The following PDE8B variants were observed in gnomAD, a reference collection of about 807,000 sequenced individuals.
The protein encoded by PDE8B is high affinity cAMP-specific and IBMX-insensitive 3',5'-cyclic phosphodiesterase 8B.
In PDE8B, 26 loss-of-function variants were observed where a neutral mutation model predicts 101.3. That is an observed-to-expected ratio of 0.26 (90% CI 0.19 to 0.36). PDE8B has a LOEUF of 0.36. Ranked by LOEUF, PDE8B falls within the 10% of genes least tolerant of loss-of-function variation. The probability of loss-of-function intolerance (pLI) is 1.00; values close to 1 mark genes in which losing one functional copy is unlikely to be tolerated. For missense variants in PDE8B, 810 were observed against 1,163.1 expected (o/e 0.70, Z 4.42); for synonymous variants, 424 against 429.3 (o/e 0.99, Z 0.15).
At chr5:77,097,707 C>CTATA in the PDE8B span, among the ~76,000 whole-genome samples, 11 of 20,884 alleles carry the variant, frequency 5.3e-4, no homozygotes, top group Non-Finnish European at 8.5e-4. Flanking sequence ...ATATATATAT[C>CTATA]TATATATATA....
chr5:77,419,887 G>A lies in PDE8B; in HGVS notation c.2250G>A (p.Glu750=). Residue 750 remains glutamate (E), a splice_region_variant and synonymous_variant, in exon 19 of 22, where the codon GAG becomes GAA. Coordinates refer to ENST00000264917, the MANE Select transcript of PDE8B (RefSeq NM_003719.5). ...VNSINKPMAA[E]IEGSDCECNP... is the part of the protein sequence containing the mutation. Reference sequence around the variant, plus strand: ...GCATCAACAAGCCAATGGCAGCTGAGGTGAGTACTGCTTTCCATGCCATAA... The same window carrying A: ...GCATCAACAAGCCAATGGCAGCTGAAGTGAGTACTGCTTTCCATGCCATAA... 6.2e-7 allele frequency: 1 copy of A among 1,613,960 alleles called. No individual in the cohort carries two copies.
At chr5:77,291,178 C>A in intron 1 of PDE8B, 2 of 1,610,854 alleles carry the variant, frequency 1.2e-6, no homozygotes, top group East Asian at 2.2e-5. Context: ...AGGTGTACCA[C>A]TGCGAGGCGA....
the PDE8B span, among the ~76,000 whole-genome samples, chr5:77,181,135 A>G: frequency 8.0e-6 from 1 of 125,500 alleles, no homozygotes; most frequent in South Asian, 2.7e-4. Flanking sequence ...AGTTCTAGGG[A>G]CAACGCTAGC....
At chr5:77,366,877 C>T (rs532395722) in intron 10 of PDE8B, among the ~76,000 whole-genome samples, 2 of 152,180 alleles carry the variant, frequency 1.3e-5, no homozygotes, top group African/African-American at 2.4e-5. Context: ...ATGGCAGCCC[C>T]CCGGTGGCCA....
chr5:77,208,142 T>C (rs1373587416), upstream of PDE8B, among the ~76,000 whole-genome samples: 4 of 152,226 alleles, frequency 2.6e-5, no homozygotes, highest in Non-Finnish European at 5.9e-5. Context: ...GGGTGACTTC[T>C]AGCTTCATGA....
At chr5:77,137,656 G>A in the PDE8B span, among the ~76,000 whole-genome samples, 4 of 152,142 alleles carry the variant, frequency 2.6e-5, no homozygotes, top group Admixed American at 6.5e-5. Context: ...GCAGAAAAAG[G>A]CTCCCTACGG....
intron 1 of PDE8B, among the ~76,000 whole-genome samples, chr5:77,282,982 C>G (rs1765314980): frequency 6.6e-6 from 1 of 152,026 alleles, no homozygotes; most frequent in Non-Finnish European, 1.5e-5. Flanking sequence ...CCAGACCTGT[C>G]CAACCTGGGC....
chr5:77,262,819 T>A (rs1434502268), intron 1 of PDE8B, among the ~76,000 whole-genome samples: 2 of 152,232 alleles, frequency 1.3e-5, no homozygotes, highest in African/African-American at 2.4e-5. Flanking sequence ...GTGAACCACA[T>A]GACCTGAAGA....
intron 1 of PDE8B, among the ~76,000 whole-genome samples, chr5:77,263,910 C>T (rs1323906012): frequency 6.6e-6 from 1 of 152,162 alleles, no homozygotes; most frequent in Non-Finnish European, 1.5e-5. Flanking sequence ...AAGAGAAAGC[C>T]TCTACATTAG....
chr5:77,183,405 A>G, the PDE8B span, among the ~76,000 whole-genome samples: 1 of 152,286 alleles, frequency 6.6e-6, no homozygotes, highest in East Asian at 1.9e-4. Flanking sequence ...GGCATGAGCC[A>G]CTGTGCCTGG....
intron 2 of PDE8B, among the ~76,000 whole-genome samples, chr5:77,321,142 ATTTTTTTTTT>A (rs10538529): frequency 1.6e-4 from 12 of 76,432 alleles, no homozygotes; most frequent in African/African-American, 4.5e-4. Context: ...CAGTATCTCT[ATTTTTTTTTT>A]TTTTTTTTTT....
chr5:77,372,255 A>G (rs529288745), intron 10 of PDE8B, among the ~76,000 whole-genome samples: 1 of 152,106 alleles, frequency 6.6e-6, no homozygotes, highest in African/African-American at 2.4e-5. Flanking sequence ...TTAGCTTTCT[A>G]CTTGTGAACT....
the PDE8B span, chr5:77,089,250 C>T: frequency 6.6e-6 from 1 of 152,340 alleles, no homozygotes; most frequent in South Asian, 2.1e-4. Flanking sequence ...CATAGGAGCA[C>T]AATTGTGAAC....
the PDE8B span, among the ~76,000 whole-genome samples, chr5:77,172,414 G>A: frequency 5.2e-3 from 786 of 152,350 alleles, 4 homozygotes; most frequent in South Asian, 0.014. Flanking sequence ...GCACCTAGGA[G>A]AAGCAGACAA....
chr5:77,326,684 T>C (rs1159824033), intron 3 of PDE8B, among the ~76,000 whole-genome samples: 2 of 152,130 alleles, frequency 1.3e-5, no homozygotes, highest in African/African-American at 4.8e-5. Context: ...AATATACATA[T>C]AGTATATCAT....
chr5:77,343,029 T>C (rs1181004626), intron 6 of PDE8B, among the ~76,000 whole-genome samples: 3 of 152,244 alleles, frequency 2.0e-5, no homozygotes, highest in Non-Finnish European at 1.5e-5. Context: ...CAGAAGAACG[T>C]CATTGCCTCG....
chr5:77,343,276 G>A (rs1224324801), intron 6 of PDE8B, among the ~76,000 whole-genome samples: 1 of 152,200 alleles, frequency 6.6e-6, no homozygotes, highest in Non-Finnish European at 1.5e-5. Flanking sequence ...TATGTTCTGA[G>A]AAATGTGTCG....
intron 10 of PDE8B, among the ~76,000 whole-genome samples, chr5:77,356,268 C>G (rs1005488929): frequency 6.6e-6 from 1 of 152,188 alleles, no homozygotes; most frequent in Non-Finnish European, 1.5e-5. Flanking sequence ...GAACCTAGGT[C>G]CCCTGAGGCT....
intron 1 of PDE8B, among the ~76,000 whole-genome samples, chr5:77,311,266 C>A (rs1015522532): frequency 6.6e-6 from 1 of 152,134 alleles, no homozygotes; most frequent in South Asian, 2.1e-4. Context: ...CAAATATTTG[C>A]TTTATGCTTG....
Sources: allele counts gnomAD v4.1 joint callset (sites outside exome capture counted in the v4.1 genomes callset), GRCh38; gene constraint gnomAD v4.1.1; transcripts MANE v1.5; gene names NCBI Gene and HGNC (gene_info 2026-07-23, HGNC 2026-07-21).